The following RETREG1 variants were observed in gnomAD, a reference collection of about 807,000 sequenced individuals.
RETREG1 encodes the protein family with sequence similarity 134 member B.
In RETREG1, 44 loss-of-function variants were observed where a neutral mutation model predicts 54.8. The observed-to-expected ratio is 0.80, with a 90% CI of 0.63 to 1.03. The LOEUF (loss-of-function observed/expected upper bound fraction) is 1.03. RETREG1 is among the 50% of genes least tolerant of loss of function. RETREG1 has a pLI of 0.00. For synonymous variants in RETREG1, 217 were observed against 238.5 expected, an observed-to-expected ratio of 0.91 and a Z score of 0.83; for missense variants, 554 against 605.1, an observed-to-expected ratio of 0.92 and a Z score of 0.89.
At chr5:16,581,973 C>G (rs1303295941) in intron 1 of RETREG1, among the ~76,000 whole-genome samples, 2 of 152,152 alleles carry the variant, frequency 1.3e-5, no homozygotes, top group Non-Finnish European at 1.5e-5. Context: ...CATGCATTAG[C>G]TATTTTTTGA....
intron 2 of RETREG1, among the ~76,000 whole-genome samples, chr5:16,566,455 A>C (rs79539316): frequency 6.6e-6 from 1 of 152,196 alleles, no homozygotes; most frequent in Non-Finnish European, 1.5e-5. Flanking sequence ...ATTTGACTAC[A>C]TCTTGATATT....
chr5:16,609,762 C>A (rs1035869), intron 1 of RETREG1, among the ~76,000 whole-genome samples: 2 of 151,924 alleles, frequency 1.3e-5, no homozygotes, highest in East Asian at 1.9e-4. Context: ...AAGGGCGATC[C>A]TGGGGAGGGG....
At chr5:16,534,722 T>C (rs749011385) in intron 3 of RETREG1, among the ~76,000 whole-genome samples, 23 of 152,232 alleles carry the variant, frequency 1.5e-4, no homozygotes, top group Middle Eastern at 3.2e-3. Flanking sequence ...CTTTATTTTA[T>C]TAATCTGCTA....
intron 1 of RETREG1, among the ~76,000 whole-genome samples, chr5:16,575,218 T>C (rs918088760): frequency 6.6e-6 from 1 of 152,158 alleles, no homozygotes; most frequent in Non-Finnish European, 1.5e-5. Flanking sequence ...TTCCATTCAA[T>C]TCTATTACGC....
chr5:16,612,895 G>A (rs1302566054), intron 1 of RETREG1, among the ~76,000 whole-genome samples: 1 of 152,026 alleles, frequency 6.6e-6, no homozygotes, highest in Non-Finnish European at 1.5e-5. Context: ...ATCCTGTTCA[G>A]TTCCTGCACC....
chr5:16,557,224 A>G (rs549746057), intron 3 of RETREG1, among the ~76,000 whole-genome samples: 2 of 152,316 alleles, frequency 1.3e-5, no homozygotes, highest in Admixed American at 1.3e-4. Context: ...CATTCTAGGC[A>G]CGTACTTACT....
intron 3 of RETREG1, among the ~76,000 whole-genome samples, chr5:16,496,033 A>C (rs901794121): frequency 6.6e-6 from 1 of 152,190 alleles, no homozygotes; most frequent in African/African-American, 2.4e-5. Flanking sequence ...AAAAGGAGCA[A>C]GGATTTAATG....
rs1165247696 is a variant in RETREG1, at chr5:16,474,749, C to T, written c.1486G>A (p.Gly496Ser). The change falls in exon 9 of 9, where the codon GGC (glycine) becomes AGC (serine). Residue 496 changes from glycine to serine, a missense_variant. By Grantham distance (56) the Gly-to-Ser change is moderately conservative (BLOSUM62 0). Around this residue, in one of 4 missense-constraint regions of RETREG1, gnomAD observed 30 missense variants for 32.4 expected, o/e 0.93. Coordinates refer to ENST00000306320, the MANE Select transcript of RETREG1 (RefSeq NM_001034850.3). ...SSGFLSNLLG[G>S]H The stretch of plus-strand genomic sequence containing the variant: ...GCAAGCTGATTCCTAGATTAATGGC[C>T]TCCCAGCAGATTTGAAAGGAAACCT... 5 of 1,611,610 alleles carry T rather than the reference C, an allele frequency of 3.1e-6. No individual in the cohort carries two copies. The highest frequency in any genetic ancestry group is 4.2e-6 in the Non-Finnish European group (5 of 1,179,658).
intron 5 of RETREG1, 66 bp downstream of exon 5, chr5:16,480,943 G>A (rs1738743603): frequency 1.9e-6 from 2 of 1,055,840 alleles, no homozygotes; most frequent in Non-Finnish European, 3.0e-6. Context: ...CAAACTACAG[G>A]TCTGTTGACC....
intron 3 of RETREG1, among the ~76,000 whole-genome samples, chr5:16,498,110 T>G (rs911518354): frequency 3.9e-5 from 6 of 152,204 alleles, no homozygotes; most frequent in African/African-American, 1.4e-4. Context: ...CAAAAGGAAG[T>G]TTTCACAATA....
At position 16,473,431 on chromosome 5, in the gene RETREG1, TGAAAG is replaced by T. The variant is rs139832112; in HGVS notation, c.*1305_*1309del. 0.013 allele frequency: 2,017 copies of T among 152,710 alleles called. 20 individuals are homozygous for T. The highest frequency in any genetic ancestry group is 0.02 in the Non-Finnish European group (1,361 of 67,990). 9.5% of individuals were successfully genotyped at this position (152,710 alleles called of 1,614,324 possible). Reference sequence around the variant, plus strand: ...GTCTTTAGAAATATAAGGGATAAAATGAAAGGAAGAGAACACAGATTTCCTATATT... The same window carrying T: ...GTCTTTAGAAATATAAGGGATAAAATGAAGAGAACACAGATTTCCTATATT... On this transcript the variant is annotated 3_prime_UTR_variant, in exon 9 of 9. Transcript: ENST00000306320.
At position 16,572,060 on chromosome 5, in the gene RETREG1, G is replaced by A. The variant is rs771277020; in HGVS notation, c.363C>T (p.Ser121=). 1.3e-5 allele frequency: 21 copies of A among 1,613,684 alleles called. No homozygotes were observed. The highest frequency in any genetic ancestry group is 3.3e-5 in the South Asian group (3 of 91,074). ...TAATAACACGCCCAAGTATCATGAC[G>A]GAAATCAGGTGATATACTCTCCATG... ...LTPWRVYHLI[S]VMILGRVIMQ... is the part of the protein sequence containing the mutation. Residue 121 remains serine, a synonymous_variant, in exon 2 of 9, where the codon TCC becomes TCT. Transcript: ENST00000306320.
At chr5:16,484,358 C>T (rs986667708) in intron 3 of RETREG1, among the ~76,000 whole-genome samples, 2 of 152,128 alleles carry the variant, frequency 1.3e-5, no homozygotes, top group Admixed American at 6.5e-5. Flanking sequence ...TTCAAACAAG[C>T]CCTGTTAAGA....
At position 16,481,033 on chromosome 5, in the gene RETREG1, C is replaced by T. The variant is rs1579584286; in HGVS notation, c.646G>A (p.Gly216Arg). Residue 216 changes from glycine (G) to arginine (R), a missense_variant, in exon 5 of 9, where the codon GGG (glycine) becomes AGG (arginine). Physicochemically the swap from Gly to Arg is moderately radical, Grantham distance 125 (BLOSUM62 -2). Transcript: ENST00000306320. ...CACAGTAGATAGCTGAGTATAACCCCAGGAATGTAACTTCCCAAGATCGTA... is the reference window on the plus strand; with the variant it reads ...CACAGTAGATAGCTGAGTATAACCCTAGGAATGTAACTTCCCAAGATCGTA... ...FFTILGSYIP[G>R]VILSYLLLLC... 2 of 1,611,656 alleles carry T rather than the reference C, an allele frequency of 1.2e-6. No homozygotes were observed. Among genetic ancestry groups the T allele is most frequent in the East Asian group, 2.2e-5 (1 of 44,828 alleles).
At chr5:16,552,201 C>T (rs1741564992) in intron 3 of RETREG1, among the ~76,000 whole-genome samples, 1 of 152,176 alleles carries the variant, frequency 6.6e-6, no homozygotes. Flanking sequence ...TGCTCTTGTA[C>T]ACTCTTCTAA....
chr5:16,576,322 C>T (rs2126312430), intron 1 of RETREG1, among the ~76,000 whole-genome samples: 1 of 130,896 alleles, frequency 7.6e-6, no homozygotes, highest in Middle Eastern at 4.5e-3. Context: ...GAGATGGAGT[C>T]TTGCTCTGTC....
chr5:16,498,948 C>A (rs1739584546), intron 3 of RETREG1, among the ~76,000 whole-genome samples: 1 of 152,036 alleles, frequency 6.6e-6, no homozygotes. Context: ...ATAAACTTTT[C>A]CATTTTTTTA....
intron 3 of RETREG1, among the ~76,000 whole-genome samples, chr5:16,492,101 T>A (rs1739269574): frequency 6.6e-6 from 1 of 151,988 alleles, no homozygotes; most frequent in African/African-American, 2.4e-5. Flanking sequence ...AACCTTCACA[T>A]GAAATATCAG....
chr5:16,546,135 A>G (rs1741379044), intron 3 of RETREG1, among the ~76,000 whole-genome samples: 1 of 152,218 alleles, frequency 6.6e-6, no homozygotes, highest in Admixed American at 6.5e-5. Flanking sequence ...CCTTTGGTCT[A>G]TCTGTTTTTC....
Sources: gnomAD v4.1 joint callset for allele counts (sites outside exome capture counted in the v4.1 genomes callset) on GRCh38, gnomAD v4.1.1 for gene constraint, gnomAD v4.1.1 regional missense constraint, MANE v1.5 for transcripts, NCBI Gene and HGNC (gene_info 2026-07-23, HGNC 2026-07-21) for gene names.